Variants in COL4A1 observed in about 807,000 individuals in gnomAD.
COL4A1 encodes the protein collagen alpha-1(IV) chain.
Under a neutral mutation model 216.6 loss-of-function variants are expected in COL4A1, and 40 were observed. That is an observed-to-expected ratio of 0.18 (90% CI 0.14 to 0.24). The LOEUF (loss-of-function observed/expected upper bound fraction) is 0.24, where lower values mean the gene tolerates loss of function less well. Ranked by LOEUF, COL4A1 falls within the 10% of genes least tolerant of loss-of-function variation. COL4A1 has a pLI of 1.00. For missense variants in COL4A1, 1,628 were observed against 2,196.8 expected, an observed-to-expected ratio of 0.74 and a Z score of 5.18; for synonymous variants, 839 against 810.7, an observed-to-expected ratio of 1.03 and a Z score of -0.59.
intron 26 of COL4A1, among the ~76,000 whole-genome samples, chr13:110,183,745 G>A (rs1878283009): frequency 6.6e-6 from 1 of 152,306 alleles, no homozygotes; most frequent in East Asian, 1.9e-4. Context: ...GGGTGATTAC[G>A]AACGATCCAT....
chr13:110,293,497 A>C (rs1357414639), intron 1 of COL4A1, among the ~76,000 whole-genome samples: 1 of 152,210 alleles, frequency 6.6e-6, no homozygotes, highest in African/African-American at 2.4e-5. Context: ...AAAATTTGAC[A>C]TTATCTTCTA....
At chr13:110,166,667 A>C (rs975433543) in intron 44 of COL4A1, among the ~76,000 whole-genome samples, 1 of 152,198 alleles carries the variant, frequency 6.6e-6, no homozygotes, top group Non-Finnish European at 1.5e-5. Context: ...CATTTTTATA[A>C]GCATGCAGCC....
At chr13:110,253,850 G>A (rs1056238436) in intron 1 of COL4A1, among the ~76,000 whole-genome samples, 7 of 147,698 alleles carry the variant, frequency 4.7e-5, no homozygotes, top group South Asian at 2.1e-4. Context: ...ATAATTATAC[G>A]TATATATGTA....
chr13:110,201,387 G>GGAA, intron 19 of COL4A1, 51 bp downstream of exon 19: 4 of 1,294,350 alleles, frequency 3.1e-6, no homozygotes, highest in Non-Finnish European at 2.1e-6. Context: ...AAGAGGAGGA[G>GGAA]GAGAGAAGGA....
chr13:110,165,792 G>T (rs535457967), intron 45 of COL4A1, among the ~76,000 whole-genome samples: 99 of 152,178 alleles, frequency 6.5e-4, no homozygotes, highest in African/African-American at 2.2e-3. Context: ...CGACTTTCAT[G>T]CTGTAGGCTC....
chr13:110,170,829 C>T lies in COL4A1; in HGVS notation c.3557-97G>A, dbSNP rs905574464. 5 of 1,324,700 alleles carry T rather than the reference C, an allele frequency of 3.8e-6. No individual in the cohort carries two copies. The African/African-American group carries it at 5.8e-5, about 15-fold the overall frequency. 82.1% of individuals were successfully genotyped at this position (1,324,700 alleles called of 1,614,324 possible). ...GAGATGGGATGAGGCGTGCCTCATC[C>T]TGTAGGTACCGCTCAGAGGGAGCTT... is the stretch of plus-strand genomic sequence containing the variant. On this transcript the variant is annotated intron_variant, in intron 41 of 51. Coordinates refer to ENST00000375820, the MANE Select transcript of COL4A1 (RefSeq NM_001845.6).
intron 21 of COL4A1, 50 bp downstream of exon 21, chr13:110,198,416 AC>A: frequency 6.2e-7 from 1 of 1,609,860 alleles, no homozygotes; most frequent in East Asian, 2.2e-5. Context: ...TCTGCCCGGC[AC>A]CCTGGTGTCT....
chr13:110,187,519 T>C (rs1878455119), intron 24 of COL4A1, among the ~76,000 whole-genome samples, 190 bp from the exon 25 acceptor site: 1 of 152,204 alleles, frequency 6.6e-6, no homozygotes, highest in South Asian at 2.1e-4. Context: ...CTGCACTTCT[T>C]GTGTTTTTCT....
chr13:110,297,346 A>G (rs1159907712), intron 1 of COL4A1, among the ~76,000 whole-genome samples: 1 of 152,174 alleles, frequency 6.6e-6, no homozygotes, highest in Non-Finnish European at 1.5e-5. Flanking sequence ...ACTTCACAGC[A>G]TGAAATCTTA....
At chr13:110,219,675 T>TAC (rs1555307834) in intron 2 of COL4A1, among the ~76,000 whole-genome samples, 7 of 79,382 alleles carry the variant, frequency 8.8e-5, no homozygotes, top group Admixed American at 1.5e-4. Flanking sequence ...TATATATATA[T>TAC]ATGTGTATAT....
intron 1 of COL4A1, among the ~76,000 whole-genome samples, chr13:110,255,390 G>A (rs1406005190): frequency 2.7e-5 from 4 of 150,728 alleles, no homozygotes; most frequent in African/African-American, 7.3e-5. Flanking sequence ...GGGGATGGGA[G>A]CTAGAGCAGG....
chr13:110,253,574 G>C (rs1027970933), intron 1 of COL4A1, among the ~76,000 whole-genome samples: 2 of 141,602 alleles, frequency 1.4e-5, no homozygotes, highest in African/African-American at 5.2e-5. Flanking sequence ...ACGTATGTAT[G>C]TATTACATAT....
chr13:110,219,404 A>G (rs568475821), intron 2 of COL4A1, among the ~76,000 whole-genome samples: 24 of 152,240 alleles, frequency 1.6e-4, no homozygotes, highest in African/African-American at 5.8e-4. Context: ...AATATTTAAC[A>G]TTAAAGCAGC....
intron 49 of COL4A1, among the ~76,000 whole-genome samples, chr13:110,160,471 T>C (rs1335721175): frequency 2.1e-5 from 3 of 144,110 alleles, no homozygotes; most frequent in Non-Finnish European, 3.1e-5. Flanking sequence ...AAAAAATTCA[T>C]AGGGGCAGGG....
At chr13:110,160,048 G>A (rs1876996788) in intron 49 of COL4A1, among the ~76,000 whole-genome samples, 1 of 152,128 alleles carries the variant, frequency 6.6e-6, no homozygotes, top group African/African-American at 2.4e-5. Flanking sequence ...AAACAACACT[G>A]CAAATGTACT....
chr13:110,302,030 C>T (rs552367942), intron 1 of COL4A1, among the ~76,000 whole-genome samples: 1 of 152,208 alleles, frequency 6.6e-6, no homozygotes, highest in East Asian at 1.9e-4. Flanking sequence ...AGGGGCAGGG[C>T]CATGAGGGTT....
rs1308869047 is a variant in COL4A1 at position 110,253,271 on chromosome 13, A to G, written c.85-10537T>C. Among the ~76,000 whole-genome samples, 10 of 130,636 alleles carry G rather than the reference A, an allele frequency of 7.7e-5. No homozygotes were observed. In the East Asian group the frequency reaches 2.0e-3, roughly 26 times the overall value. 85.7% of individuals were successfully genotyped at this position (130,636 alleles called of 152,430 possible). ...TATACATATAATTAGGTATATATACATATAATTATATGTATTACATATACA... is the reference window on the plus strand; with the variant it reads ...TATACATATAATTAGGTATATATACGTATAATTATATGTATTACATATACA... On this transcript the variant is annotated intron_variant, in intron 1 of 51. Transcript: ENST00000375820.
At chr13:110,272,142 A>C (rs1883266804) in intron 1 of COL4A1, among the ~76,000 whole-genome samples, 3 of 152,258 alleles carry the variant, frequency 2.0e-5, no homozygotes, top group Non-Finnish European at 4.4e-5. Flanking sequence ...AATATCCTTT[A>C]AAGTTTTACT....
intron 2 of COL4A1, among the ~76,000 whole-genome samples, chr13:110,223,865 A>C (rs1399668107): frequency 6.6e-6 from 1 of 152,188 alleles, no homozygotes; most frequent in African/African-American, 2.4e-5. Context: ...TAGACTTTAG[A>C]GGCTTGGTAC....
Sources: gnomAD v4.1 joint callset for allele counts (sites outside exome capture counted in the v4.1 genomes callset) on GRCh38, gnomAD v4.1.1 for gene constraint, MANE v1.5 for transcripts, NCBI Gene and HGNC (gene_info 2026-07-23, HGNC 2026-07-21) for gene names.